CDC14B: variants seen among roughly 807,000 people sequenced by gnomAD.
CDC14B encodes the protein cell division cycle 14B, also known as dual specificity protein phosphatase CDC14B.
A neutral mutation model predicts 64.2 loss-of-function variants in CDC14B; 22 were observed. The observed-to-expected ratio is 0.34, with a 90% CI of 0.24 to 0.49. CDC14B has a LOEUF of 0.49. Among genes scored for constraint, CDC14B ranks in the 20% least tolerant of loss-of-function variants. The pLI is 0.99. For synonymous variants in CDC14B, 191 were observed against 215.8 expected, an observed-to-expected ratio of 0.89 and a Z score of 1.01; for missense variants, 498 against 629.9, an observed-to-expected ratio of 0.79 and a Z score of 2.24.
intron 1 of CDC14B, among the ~76,000 whole-genome samples, chr9:96,604,836 T>C (rs1290984328): frequency 6.6e-6 from 1 of 152,050 alleles, no homozygotes; most frequent in Admixed American, 6.6e-5. Flanking sequence ...GCCCAGCTAC[T>C]TTTTTTGTAT....
chr9:96,583,299 C>CA (rs1177047622), intron 1 of CDC14B, among the ~76,000 whole-genome samples: 1 of 151,818 alleles, frequency 6.6e-6, no homozygotes, highest in African/African-American at 2.4e-5. Context: ...AGACTGTCTT[C>CA]AGGGATAGTG....
chr9:96,611,235 C>T (rs1238572690), intron 1 of CDC14B, among the ~76,000 whole-genome samples: 2 of 152,190 alleles, frequency 1.3e-5, no homozygotes, highest in African/African-American at 4.8e-5. Flanking sequence ...AAAGTAATCC[C>T]TGCCTAATAT....
In CDC14B at chr9:96,523,631, G is replaced by A. The variant is rs1344054461; in HGVS notation, c.1041C>T (p.Cys347=). Residue 347 remains cysteine, a synonymous_variant, in exon 10 of 14, where the codon TGC becomes TGT. Transcript: ENST00000375241. The part of the protein sequence containing the change: ...AAETIAWVRI[C]RPGSVIGPQQ... The stretch of plus-strand genomic sequence containing the variant: ...GAGGCCCAATCACCGAGCCAGGTCT[G>A]CAGATCCTGACCCACGCAATGGTCT... 1.9e-6 allele frequency: 3 copies of A among 1,614,212 alleles called. No homozygotes were observed. The highest frequency in any genetic ancestry group is 1.7e-5 in the Admixed American group (1 of 60,028).
At chr9:96,537,387 C>T (rs1469974836) in intron 7 of CDC14B, among the ~76,000 whole-genome samples, 1 of 152,200 alleles carries the variant, frequency 6.6e-6, no homozygotes, top group Non-Finnish European at 1.5e-5. Context: ...ATGCCCCAGG[C>T]TCCTGGGATG....
rs1457802791 is a variant in CDC14B, at chr9:96,566,423, T to G, written c.161-940A>C. On this transcript the variant is annotated intron_variant, in intron 1 of 13. Transcript: ENST00000375241. Reference sequence around the variant, plus strand: ...TTACTGCGTTTATTTCCTTGTAAACTCCTCAGCTAAAACTTCTTGCAACCA... The same window carrying G: ...TTACTGCGTTTATTTCCTTGTAAACGCCTCAGCTAAAACTTCTTGCAACCA... Among the ~76,000 whole-genome samples, 6 of 151,792 alleles carry G rather than the reference T, an allele frequency of 4.0e-5. No homozygotes were observed. In the East Asian group the frequency reaches 7.8e-4, roughly 20 times the overall value.
rs772460843 is a variant in CDC14B, at chr9:96,606,332, C to CAAAAAA, written c.160+12881_160+12886dup. On this transcript the variant is annotated intron_variant, in intron 1 of 13. Coordinates refer to ENST00000375241, the MANE Select transcript of CDC14B (RefSeq NM_033331.4). ...TGGGGAACAGGGCAAGACTCCATCTCAAAAAAAAAAAAAAAAAAAAAAAAA... is the reference window on the plus strand; with the variant it reads ...TGGGGAACAGGGCAAGACTCCATCTCAAAAAAAAAAAAAAAAAAAAAAAAAAAAAAA... Among the ~76,000 whole-genome samples, 101 of 21,046 alleles carry CAAAAAA rather than the reference C, an allele frequency of 4.8e-3. 10 individuals carry two copies. The highest frequency in any genetic ancestry group is 0.01 in the African/African-American group (96 of 9,178). 13.8% of individuals were successfully genotyped at this position (21,046 alleles called of 152,430 possible).
At chr9:96,565,846 A>T (rs1454630193) in intron 1 of CDC14B, among the ~76,000 whole-genome samples, 1 of 152,250 alleles carries the variant, frequency 6.6e-6, no homozygotes, top group African/African-American at 2.4e-5. Context: ...TTTCTAGATG[A>T]ATTTCACTAC....
chr9:96,556,688 T>C (rs940091168), intron 4 of CDC14B, among the ~76,000 whole-genome samples: 2 of 152,074 alleles, frequency 1.3e-5, no homozygotes, highest in African/African-American at 2.4e-5. Context: ...CTAATAAAAA[T>C]AGTGAATTGG....
Position 96,501,718 on chromosome 9 carries a change from A to G in CDC14B, c.*2035T>C, listed in dbSNP as rs1406748989. The stretch of plus-strand genomic sequence containing the variant: ...CTAGGTGGAAACTTGAGCAGGCAAC[A>G]TGAAGAGGCAGTTTATAAAATGAAA... On this transcript the variant is annotated 3_prime_UTR_variant, in exon 14 of 14. Coordinates refer to ENST00000375241, the MANE Select transcript of CDC14B (RefSeq NM_033331.4). The G allele has an allele frequency of 6.6e-6, 1 of 152,468 alleles. No individual in the cohort carries two copies. The highest frequency in any genetic ancestry group is 1.5e-5 in the Non-Finnish European group (1 of 68,050). 9.4% of individuals were successfully genotyped at this position (152,468 alleles called of 1,614,324 possible). A position where few individuals can be genotyped will look rare whatever the true frequency, so the allele number is the denominator to read the frequency against.
chr9:96,505,214 G>A (rs1174013006), intron 13 of CDC14B, among the ~76,000 whole-genome samples: 1 of 150,712 alleles, frequency 6.6e-6, no homozygotes, highest in Middle Eastern at 3.2e-3. Flanking sequence ...GCTAAGGAAA[G>A]AACCTGAGCA....
intron 5 of CDC14B, among the ~76,000 whole-genome samples, chr9:96,543,339 CA>C (rs769986555): frequency 0.058 from 7,836 of 134,688 alleles, 663 homozygotes; most frequent in African/African-American, 0.19. Context: ...AGACTCGTCT[CA>C]AAAAAAAAAA....
At chr9:96,566,843 C>G in intron 1 of CDC14B, 1 of 1,595,954 alleles carries the variant, frequency 6.3e-7, no homozygotes, top group Non-Finnish European at 8.5e-7. Flanking sequence ...GAAGGCGGGG[C>G]AGAGGCAAGG....
chr9:96,531,863 T>G (rs573066008), intron 9 of CDC14B, among the ~76,000 whole-genome samples: 3 of 152,276 alleles, frequency 2.0e-5, no homozygotes, highest in Admixed American at 6.5e-5. Context: ...TTTCCTCTTC[T>G]CAAATGGCTG....
rs144749339 is a variant in CDC14B, at chr9:96,548,629, C to A, written c.497+3167G>T. ...GCCAGGGGGTTGAGACCAGCCTGGG[C>A]AACTTAGTGAAACCCCATCTCTACT... On this transcript the variant is annotated intron_variant, in intron 5 of 13. Transcript: ENST00000375241. Among the ~76,000 whole-genome samples the A allele has an allele frequency of 1.1e-3, 168 of 152,104 alleles. 1 individual carries two copies. The highest frequency in any genetic ancestry group is 3.8e-3 in the African/African-American group (158 of 41,480).
intron 12 of CDC14B, among the ~76,000 whole-genome samples, chr9:96,517,662 A>AAAAG (rs1212228986): frequency 4.6e-4 from 67 of 144,276 alleles, no homozygotes; most frequent in African/African-American, 1.7e-3. Context: ...AAAAAAAAAA[A>AAAAG]AAGAAGAAGA....
chr9:96,537,767 G>C (rs1037609930), intron 7 of CDC14B, among the ~76,000 whole-genome samples: 9 of 152,156 alleles, frequency 5.9e-5, no homozygotes, highest in African/African-American at 2.2e-4. Context: ...CTGTCACCCA[G>C]GCTGGAGTGC....
intron 9 of CDC14B, among the ~76,000 whole-genome samples, chr9:96,533,710 T>A (rs952645639): frequency 2.0e-5 from 3 of 152,204 alleles, no homozygotes; most frequent in African/African-American, 7.2e-5. Flanking sequence ...CAATAAATAT[T>A]TGATGAATAA....
Position 96,534,554 on chromosome 9 carries a change from A to C in CDC14B, c.628-12T>G, listed in dbSNP as rs1205901765. 1 of 1,575,702 alleles carries C rather than the reference A, an allele frequency of 6.3e-7. No individual in the cohort carries two copies. The highest frequency in any genetic ancestry group is 8.7e-7 in the Non-Finnish European group (1 of 1,145,790). ...CCATTTTCTGCTTTCTGCAAGGGGA[A>C]GACCAGCACAATTCGTTTTTAAATG... On this transcript the variant is annotated splice_polypyrimidine_tract_variant and intron_variant, in intron 7 of 13. Transcript: ENST00000375241.
intron 1 of CDC14B, among the ~76,000 whole-genome samples, chr9:96,606,636 A>T (rs1258857582): frequency 6.7e-6 from 1 of 149,512 alleles, no homozygotes; most frequent in Non-Finnish European, 1.5e-5. Context: ...GTGTGATCTC[A>T]GCTCAACGCA....
Sources: gnomAD v4.1 joint callset for allele counts (sites outside exome capture counted in the v4.1 genomes callset) on GRCh38, gnomAD v4.1.1 for gene constraint, MANE v1.5 for transcripts, NCBI Gene and HGNC (gene_info 2026-07-23, HGNC 2026-07-21) for gene names.